TLK1: variants seen among roughly 807,000 people sequenced by gnomAD.
TLK1 encodes the protein tousled like kinase 1.
A neutral mutation model predicts 105.3 loss-of-function variants in TLK1; 24 were observed. The ratio of observed to expected loss-of-function variants is 0.23; its 90% CI spans 0.17 to 0.32. The LOEUF is 0.32. Among genes scored for constraint, TLK1 ranks in the 10% least tolerant of loss-of-function variants. The pLI is 1.00. For missense variants in TLK1, 558 were observed against 910.5 expected, an observed-to-expected ratio of 0.61 and a Z score of 4.98; for synonymous variants, 321 against 310.4, an observed-to-expected ratio of 1.03 and a Z score of -0.36.
chr2:171,042,757 T>C (rs1442228523), intron 11 of TLK1, among the ~76,000 whole-genome samples: 3 of 150,772 alleles, frequency 2.0e-5, no homozygotes, highest in Admixed American at 2.0e-4. Context: ...GAAGACAGCA[T>C]TTAAGCCAAG....
At chr2:171,219,650 G>A (rs1177734377) in intron 1 of TLK1, among the ~76,000 whole-genome samples, 1 of 151,638 alleles carries the variant, frequency 6.6e-6, no homozygotes, top group Non-Finnish European at 1.5e-5. Flanking sequence ...ACCCAGGCTG[G>A]AGTGCAGTGG....
At chr2:171,065,755 T>G (rs1245274468) in intron 3 of TLK1, among the ~76,000 whole-genome samples, 1 of 152,214 alleles carries the variant, frequency 6.6e-6, no homozygotes, top group Non-Finnish European at 1.5e-5. Flanking sequence ...GCCAGGATGG[T>G]CTCGATCTCC....
At position 171,030,522 on chromosome 2, in the gene TLK1, A is replaced by G. The variant is rs1451599447; in HGVS notation, c.1170-2117T>C. Among the ~76,000 whole-genome samples, 6 of 152,276 alleles carry G rather than the reference A, an allele frequency of 3.9e-5. No homozygotes were observed. The East Asian group carries it at 1.2e-3, about 29-fold the overall frequency. ...ATACTAAAGAAAATGAGGTTTGAAAACTAAAATGTATAATATCTCAACTAA... is the reference window on the plus strand; with the variant it reads ...ATACTAAAGAAAATGAGGTTTGAAAGCTAAAATGTATAATATCTCAACTAA... On this transcript the variant is annotated intron_variant, in intron 11 of 20. Coordinates refer to ENST00000431350, the MANE Select transcript of TLK1 (RefSeq NM_012290.5).
At chr2:171,224,910 C>T (rs1232024116) in intron 1 of TLK1, among the ~76,000 whole-genome samples, 5 of 152,114 alleles carry the variant, frequency 3.3e-5, no homozygotes, top group Non-Finnish European at 7.4e-5. Flanking sequence ...CTCACATTTA[C>T]AGTTAATTGA....
chr2:171,050,662 A>G (rs926217096), intron 8 of TLK1, among the ~76,000 whole-genome samples: 1 of 152,234 alleles, frequency 6.6e-6, no homozygotes, highest in African/African-American at 2.4e-5. Flanking sequence ...AATGACATAC[A>G]CAAGTTGCCT....
chr2:171,160,763 CT>C lies in TLK1; in HGVS notation c.-336del. On this transcript the variant is annotated 5_prime_UTR_variant, in exon 1 of 21. Coordinates refer to ENST00000431350, the MANE Select transcript of TLK1 (RefSeq NM_012290.5). This position sits in a 1 kb window ranked among gnomAD's most constrained non-coding sequence, Gnocchi z 4.4. Reference sequence around the variant, plus strand: ...GGTCGGAGCGCGGGCGGAGCGCGGGCTGCGCCGGCCGAGGACACTTCCGCGG... The same window carrying C: ...GGTCGGAGCGCGGGCGGAGCGCGGGCGCGCCGGCCGAGGACACTTCCGCGG... The C allele has an allele frequency of 2.3e-6, 1 of 429,746 alleles. No individual in the cohort carries two copies. 26.6% of individuals were successfully genotyped at this position (429,746 alleles called of 1,614,324 possible). A position where few individuals can be genotyped will look rare whatever the true frequency, so the allele number is the denominator to read the frequency against.
intron 1 of TLK1, among the ~76,000 whole-genome samples, chr2:171,189,731 C>A (rs866466019): frequency 5.3e-5 from 8 of 152,178 alleles, no homozygotes; most frequent in Admixed American, 5.2e-4. Context: ...ATGACATCAG[C>A]TGGGCGCCTT....
At chr2:171,054,583 A>G (rs1055325945) in intron 7 of TLK1, 1 of 152,516 alleles carries the variant, frequency 6.6e-6, no homozygotes, top group Non-Finnish European at 1.5e-5. Flanking sequence ...GAAGAGTAAG[A>G]TCTACTCTCC....
intron 11 of TLK1, among the ~76,000 whole-genome samples, chr2:171,034,689 T>G (rs1686233843): frequency 1.3e-5 from 2 of 152,164 alleles, no homozygotes; most frequent in South Asian, 4.1e-4. Flanking sequence ...GTGAATGGAC[T>G]AAAAGCCACT....
At chr2:171,137,593 A>T (rs1379950765) in intron 1 of TLK1, among the ~76,000 whole-genome samples, 2 of 152,122 alleles carry the variant, frequency 1.3e-5, no homozygotes, top group Non-Finnish European at 2.9e-5. Flanking sequence ...TCACGTCTGT[A>T]ATCCTAACAC....
intron 11 of TLK1, among the ~76,000 whole-genome samples, chr2:171,035,414 T>C (rs937922831): frequency 1.3e-5 from 2 of 152,094 alleles, no homozygotes; most frequent in Non-Finnish European, 2.9e-5. Context: ...ATGTGAGATG[T>C]GCCTTTCACC....
At position 171,075,255 on chromosome 2, in the gene TLK1, C is replaced by A. The variant is rs369207972; in HGVS notation, c.330+7526G>T. Among the ~76,000 whole-genome samples the A allele has an allele frequency of 5.3e-5, 8 of 152,148 alleles. No homozygotes were observed. The East Asian group carries it at 1.5e-3, about 29-fold the overall frequency. On this transcript the variant is annotated intron_variant, in intron 3 of 20. Transcript: ENST00000431350. ...GTATGTATATAAAACAAGGTTAAAT[C>A]AGGAAATGCTCTAGATGCAACAACT...
intron 6 of TLK1, 22 bp downstream of exon 6, chr2:171,056,448 GA>G (rs1328591115): frequency 6.2e-7 from 1 of 1,604,938 alleles, no homozygotes; most frequent in South Asian, 1.1e-5. Context: ...GACTACACAT[GA>G]AAAACTTGAA....
intron 3 of TLK1, among the ~76,000 whole-genome samples, chr2:171,063,379 A>G (rs1575565337): frequency 6.6e-6 from 1 of 152,110 alleles, no homozygotes; most frequent in Admixed American, 6.6e-5. Context: ...ACGTTAAAAT[A>G]AAAGATCCCC....
At chr2:171,170,796 C>T (rs753493346) in intron 1 of TLK1, among the ~76,000 whole-genome samples, 6 of 152,120 alleles carry the variant, frequency 3.9e-5, no homozygotes, top group Non-Finnish European at 7.4e-5. Flanking sequence ...ACACAATGGA[C>T]AAATGTCAAA....
At chr2:171,016,891 T>C (rs555031135) in intron 12 of TLK1, among the ~76,000 whole-genome samples, 1 of 152,284 alleles carries the variant, frequency 6.6e-6, no homozygotes, top group African/African-American at 2.4e-5. Context: ...ACATGGCAAA[T>C]AGAAAATTTC....
At chr2:171,216,432 T>C (rs1046723564) in intron 1 of TLK1, among the ~76,000 whole-genome samples, 9 of 152,022 alleles carry the variant, frequency 5.9e-5, no homozygotes, top group East Asian at 1.9e-4. Flanking sequence ...GCCGAGATCA[T>C]GCCACTGCAC....
intron 18 of TLK1, among the ~76,000 whole-genome samples, chr2:170,998,685 C>T (rs945373284): frequency 6.6e-6 from 1 of 152,232 alleles, no homozygotes; most frequent in Non-Finnish European, 1.5e-5. Context: ...CTCTTATTCA[C>T]TGTGCAGTTT....
intron 1 of TLK1, among the ~76,000 whole-genome samples, chr2:171,211,694 C>T (rs1018714686): frequency 4.6e-5 from 7 of 151,996 alleles, no homozygotes; most frequent in Non-Finnish European, 7.4e-5. Context: ...GGATTACAGG[C>T]GCACCCCACC....
Sources: gnomAD v4.1 joint callset for allele counts (sites outside exome capture counted in the v4.1 genomes callset) on GRCh38, gnomAD v4.1.1 for gene constraint, Gnocchi (gnomAD v3.1) non-coding constraint, MANE v1.5 for transcripts, NCBI Gene and HGNC (gene_info 2026-07-23, HGNC 2026-07-21) for gene names.